EPB41L1: variants seen among roughly 807,000 people sequenced by gnomAD.
EPB41L1 encodes erythrocyte membrane protein band 4.1 like 1.
A neutral mutation model predicts 97.8 loss-of-function variants in EPB41L1; 29 were observed. The ratio of observed to expected loss-of-function variants is 0.30; its 90% CI spans 0.22 to 0.40. EPB41L1 has a LOEUF of 0.40. Ranked by LOEUF, EPB41L1 falls within the 10% of genes least tolerant of loss-of-function variation. EPB41L1 has a pLI of 1.00. For missense variants in EPB41L1, 812 were observed against 1,162.3 expected (o/e 0.70, Z 4.38); for synonymous variants, 383 against 459.2 (o/e 0.83, Z 2.12).
chr20:36,209,362 G>T lies in EPB41L1; in HGVS notation c.1669-126G>T. The T allele has an allele frequency of 9.2e-7, 1 of 1,087,490 alleles. No homozygotes were observed. The allele number at this position is 1,087,490 out of a possible 1,614,324, so 67.4% of individuals were successfully genotyped here. On this transcript the variant is annotated intron_variant, in intron 14 of 21. Coordinates refer to ENST00000338074, the MANE Select transcript of EPB41L1 (RefSeq NM_012156.2). The surrounding 1 kb of genome is among the most constrained non-coding windows in gnomAD (Gnocchi z 4.2). ...TTCCTGGGGTGTTTTTCATTTCCTGGCCTGCTCTTCCATTCAGGATGTCGA... is the reference window on the plus strand; with the variant it reads ...TTCCTGGGGTGTTTTTCATTTCCTGTCCTGCTCTTCCATTCAGGATGTCGA...
At chr20:36,222,987 C>T (rs1274270439) in intron 21 of EPB41L1, among the ~76,000 whole-genome samples, 4 of 152,198 alleles carry the variant, frequency 2.6e-5, no homozygotes, top group Non-Finnish European at 5.9e-5. Flanking sequence ...ACCTCTGGCT[C>T]CTGGGTTTAA....
chr20:36,191,047 TGGTCTTTTGG>T (rs2061926464), intron 11 of EPB41L1, among the ~76,000 whole-genome samples: 1 of 152,168 alleles, frequency 6.6e-6, no homozygotes, highest in Non-Finnish European at 1.5e-5. Flanking sequence ...CCCTGAGTCG[TGGTCTTTTGG>T]GGTCCCAGGT....
Position 36,206,214 on chromosome 20 carries a change from C to A in EPB41L1, c.1669-3274C>A. The A allele has an allele frequency of 2.3e-6, 3 of 1,289,932 alleles. No homozygotes were observed. Among genetic ancestry groups the A allele is most frequent in the Non-Finnish European group, 3.0e-6 (3 of 988,906 alleles). 79.9% of individuals were successfully genotyped at this position (1,289,932 alleles called of 1,614,324 possible). On this transcript the variant is annotated intron_variant, in intron 14 of 21. Transcript: ENST00000338074. The surrounding 1 kb of genome is among the most constrained non-coding windows in gnomAD (Gnocchi z 5.5). Reference sequence around the variant, plus strand: ...TCGAGGGCTCTGAGCTCAGGGCAGACACCAGAGAGGCAACCATCAGGAACC... The same window carrying A: ...TCGAGGGCTCTGAGCTCAGGGCAGAAACCAGAGAGGCAACCATCAGGAACC...
chr20:36,201,781 CCCT>C (rs1453570849), intron 14 of EPB41L1, among the ~76,000 whole-genome samples: 1 of 152,092 alleles, frequency 6.6e-6, no homozygotes, highest in African/African-American at 2.4e-5. Flanking sequence ...AGGCTGTGCT[CCCT>C]CCTCTGATGG....
At chr20:36,116,691 G>A (rs1339542642) in intron 2 of EPB41L1, among the ~76,000 whole-genome samples, 1 of 152,204 alleles carries the variant, frequency 6.6e-6, no homozygotes, top group Non-Finnish European at 1.5e-5. Context: ...TCCCTGGACA[G>A]CAGGCTGAAG....
At chr20:36,191,797 A>G (rs771457849) in intron 11 of EPB41L1, among the ~76,000 whole-genome samples, 24 of 152,230 alleles carry the variant, frequency 1.6e-4, no homozygotes, top group Non-Finnish European at 2.9e-4. Context: ...TACAAAATAC[A>G]TAGTACCTAC....
chr20:36,172,686 C>G (rs550734837), intron 1 of EPB41L1, among the ~76,000 whole-genome samples: 2 of 151,914 alleles, frequency 1.3e-5, no homozygotes, highest in Non-Finnish European at 2.9e-5. Flanking sequence ...CTGCAACCTC[C>G]GCCTCCCAGG....
At chr20:36,103,598 T>C in intron 1 of EPB41L1, among the ~76,000 whole-genome samples, 1 of 152,196 alleles carries the variant, frequency 6.6e-6, no homozygotes, top group East Asian at 1.9e-4. Flanking sequence ...ACTGAAGTGC[T>C]TTGTGTAAAA....
chr20:36,110,237 G>T (rs905340314), intron 1 of EPB41L1, among the ~76,000 whole-genome samples: 2 of 152,120 alleles, frequency 1.3e-5, no homozygotes, highest in African/African-American at 4.8e-5. Flanking sequence ...CACCATGCCC[G>T]GCCTTGACAT....
At chr20:36,141,066 G>A (rs77976941) in intron 2 of EPB41L1, among the ~76,000 whole-genome samples, 4,571 of 152,310 alleles carry the variant, frequency 0.03, 126 homozygotes, top group South Asian at 0.15. Flanking sequence ...GCTGGGGGCA[G>A]GAGGAGGGTC....
At chr20:36,176,309 C>G (rs2061226759) in intron 3 of EPB41L1, among the ~76,000 whole-genome samples, 1 of 152,230 alleles carries the variant, frequency 6.6e-6, no homozygotes, top group Non-Finnish European at 1.5e-5. Flanking sequence ...CTGGGTTTGG[C>G]CCTCCTGGCC....
In EPB41L1 at chr20:36,092,493, T is replaced by C. The variant is rs1568990429; in HGVS notation, c.-65+881T>C. ...GGCGCGCGGCCCCAGCTCCGGCGGCTCCGGCGGCTCCGGCGCTCCCCTGGT... is the reference window on the plus strand; with the variant it reads ...GGCGCGCGGCCCCAGCTCCGGCGGCCCCGGCGGCTCCGGCGCTCCCCTGGT... On this transcript the variant is annotated intron_variant, in intron 1 of 19. Coordinates refer to the EPB41L1 transcript ENST00000202028. The surrounding 1 kb of genome is among the most constrained non-coding windows in gnomAD (Gnocchi z 7.0). Among the ~76,000 whole-genome samples, 1 of 151,766 alleles carries C rather than the reference T, an allele frequency of 6.6e-6. No individual in the cohort carries two copies. The highest frequency in any genetic ancestry group is 2.4e-5 in the African/African-American group (1 of 41,348).
chr20:36,158,926 T>C (rs2060422735), intron 1 of EPB41L1, among the ~76,000 whole-genome samples: 3 of 152,224 alleles, frequency 2.0e-5, no homozygotes, highest in African/African-American at 4.8e-5. Flanking sequence ...TTTAGTCTGC[T>C]GAGGAGCATG....
chr20:36,168,846 T>C (rs955717960), intron 1 of EPB41L1, among the ~76,000 whole-genome samples: 1 of 151,766 alleles, frequency 6.6e-6, no homozygotes, highest in Non-Finnish European at 1.5e-5. Flanking sequence ...GCCGCCACAC[T>C]GGGCCACTAA....
In EPB41L1 at chr20:36,218,911, C is replaced by A; in HGVS notation, c.2304C>A (p.Ala768=). The A allele has an allele frequency of 4.3e-6, 7 of 1,614,210 alleles. No homozygotes were observed. Among genetic ancestry groups the A allele is most frequent in the Non-Finnish European group, 5.1e-6 (6 of 1,180,040 alleles). Residue 768 remains alanine (A), a synonymous_variant, in exon 18 of 22, where the codon GCC becomes GCA. Transcript: ENST00000338074. ...TCAAGTCCGGGAAGGGGGCAGCTGC[C>A]ATGATCCCAGGCCCACAGACGGTGG... ...NSLKSGKGAA[A]MIPGPQTVAT... is the part of the protein sequence containing the mutation.
In EPB41L1 at chr20:36,178,709, G is replaced by A. The variant is rs2061352524; in HGVS notation, c.490+37G>A. 8.7e-6 allele frequency: 14 copies of A among 1,611,476 alleles called. No homozygotes were observed. In the East Asian group the frequency reaches 2.5e-4, roughly 28 times the overall value. ...GTTGTGTTTGGGGAGGTGGGTGGGT[G>A]AGGGGATTCCAGGCCATGAGAGCCC... is the stretch of plus-strand genomic sequence containing the variant. On this transcript the variant is annotated intron_variant, in intron 5 of 21. Coordinates refer to ENST00000338074, the MANE Select transcript of EPB41L1 (RefSeq NM_012156.2).
At chr20:36,187,582 T>C in intron 7 of EPB41L1, 94 bp from the exon 8 acceptor site, 1 of 1,019,378 alleles carries the variant, frequency 9.8e-7, no homozygotes, top group Non-Finnish European at 1.5e-6. Flanking sequence ...TTTGACTTTC[T>C]AGAATCATGG....
intron 2 of EPB41L1, among the ~76,000 whole-genome samples, chr20:36,112,667 C>T (rs1421539043): frequency 6.6e-6 from 1 of 152,186 alleles, no homozygotes; most frequent in Non-Finnish European, 1.5e-5. Flanking sequence ...CTGGTTTTGG[C>T]TTGTTTTGGG....
chr20:36,151,458 G>A (rs969902202), upstream of EPB41L1: 1 of 152,180 alleles, frequency 6.6e-6, no homozygotes, highest in Non-Finnish European at 1.5e-5. Context: ...AAATGGTAGC[G>A]CTAGGGCTGG....
Sources: allele counts gnomAD v4.1 joint callset (sites outside exome capture counted in the v4.1 genomes callset), GRCh38; gene constraint gnomAD v4.1.1; non-coding constraint Gnocchi (gnomAD v3.1); transcripts MANE v1.5; gene names NCBI Gene and HGNC (gene_info 2026-07-23, HGNC 2026-07-21).